The following DHX9 variants were observed in gnomAD, a reference collection of about 807,000 sequenced individuals.
The protein encoded by DHX9 is DExH-box helicase 9.
A neutral mutation model predicts 148.7 loss-of-function variants in DHX9; 27 were observed. That is an observed-to-expected ratio of 0.18 (90% CI 0.13 to 0.25). The LOEUF (loss-of-function observed/expected upper bound fraction) is 0.25, where lower values mean the gene tolerates loss of function less well. DHX9 is among the 10% of genes least tolerant of loss of function. The pLI, the probability that DHX9 is intolerant of heterozygous loss-of-function variation, is 1.00. For synonymous variants in DHX9, 529 were observed against 516.6 expected (o/e 1.02, Z -0.33); for missense variants, 796 against 1,559.6 (o/e 0.51, Z 8.25).
chr1:182,839,995 A>T (rs1667889496), intron 1 of DHX9: 1 of 152,418 alleles, frequency 6.6e-6, no homozygotes. Flanking sequence ...GCGAAGGAAA[A>T]GCAGAGCCTG....
intron 21 of DHX9, among the ~76,000 whole-genome samples, chr1:182,879,675 C>G (rs1387916009): frequency 6.6e-6 from 1 of 152,144 alleles, no homozygotes; most frequent in Non-Finnish European, 1.5e-5. Flanking sequence ...TACTAAAGAT[C>G]AGAACATAAC....
At chr1:182,859,930 T>C (rs1261510568) in intron 11 of DHX9, 63 bp from the exon 12 acceptor site, 3 of 1,519,812 alleles carry the variant, frequency 2.0e-6, no homozygotes, top group African/African-American at 1.4e-5. Context: ...TTTTAAAGGA[T>C]CAAGACAGTT....
At chr1:182,864,942 C>T (rs906748434) in intron 12 of DHX9, among the ~76,000 whole-genome samples, 1 of 152,112 alleles carries the variant, frequency 6.6e-6, no homozygotes, top group Admixed American at 6.6e-5. Flanking sequence ...CCACAAGGAT[C>T]GTAGACTTGA....
chr1:182,883,256 A>G lies in DHX9; in HGVS notation c.3032A>G (p.Lys1011Arg), dbSNP rs1370043366. The change falls in exon 25 of 28, where the codon AAG (lysine) becomes AGG (arginine). Residue 1011 changes from lysine to arginine, a missense_variant. Transcript: ENST00000367549. Reference sequence around the variant, plus strand: ...GTATGCTATCATAAGGAAAAGAGGAAGATTCTCACCACTGAAGGGCGTAAT... The same window carrying G: ...GTATGCTATCATAAGGAAAAGAGGAGGATTCTCACCACTGAAGGGCGTAAT... Reference protein sequence around the residue: ...PNVCYHKEKRKILTTEGRNAL... With the variant: ...PNVCYHKEKRRILTTEGRNAL... 2 of 1,614,166 alleles carry G rather than the reference A, an allele frequency of 1.2e-6. No homozygotes were observed. Among genetic ancestry groups the G allele is most frequent in the Non-Finnish European group, 1.7e-6 (2 of 1,180,008 alleles).
intron 3 of DHX9, among the ~76,000 whole-genome samples, chr1:182,844,496 G>A (rs75051280): frequency 0.014 from 2,170 of 152,168 alleles, 56 homozygotes; most frequent in African/African-American, 0.05. Context: ...GGTGTGTGCC[G>A]CTACACTAGG....
chr1:182,883,049 C>G, intron 24 of DHX9, 90 bp from the exon 25 acceptor site: 1 of 859,700 alleles, frequency 1.2e-6, no homozygotes, highest in Non-Finnish European at 1.9e-6. Context: ...GAGGAAGAGT[C>G]AGTTCTCTGA....
At chr1:182,847,183 A>G (rs2102590518) in intron 3 of DHX9, among the ~76,000 whole-genome samples, 1 of 152,268 alleles carries the variant, frequency 6.6e-6, no homozygotes, top group Admixed American at 6.5e-5. Context: ...ATCCTTGCCT[A>G]CTACTACTAA....
In DHX9 at chr1:182,886,062, T is replaced by A. The variant is rs533582877; in HGVS notation, c.3462-1021T>A. ...GTAGTAGAATTGCAATGGGGAGATG[T>A]GACTGGATTAGACAGATTTGTGGTA... On this transcript the variant is annotated intron_variant, in intron 27 of 27. Transcript: ENST00000367549. Among the ~76,000 whole-genome samples, 70 of 152,306 alleles carry A rather than the reference T, an allele frequency of 4.6e-4. 1 individual carries two copies. The South Asian group carries it at 0.014, about 32-fold the overall frequency.
chr1:182,866,551 T>A lies in DHX9; in HGVS notation c.1440T>A (p.Pro480=), dbSNP rs1648304627. 1 of 1,614,106 alleles carries A rather than the reference T, an allele frequency of 6.2e-7. No homozygotes were observed. The highest frequency in any genetic ancestry group is 1.7e-5 in the Admixed American group (1 of 60,014). The change falls in exon 13 of 28, where the codon CCT becomes CCA. Residue 480 remains proline, a synonymous_variant. Transcript: ENST00000367549. ...GCGTTCGATTTGAGTCTATACTTCCTCGTCCTCATGCCAGTATAATGTTTT... is the reference window on the plus strand; with the variant it reads ...GCGTTCGATTTGAGTCTATACTTCCACGTCCTCATGCCAGTATAATGTTTT... The part of the protein sequence containing the change: ...GYSVRFESIL[P]RPHASIMFCT...
intron 4 of DHX9, among the ~76,000 whole-genome samples, chr1:182,852,988 G>A (rs1264874334): frequency 1.0e-5 from 1 of 99,524 alleles, no homozygotes; most frequent in Admixed American, 9.4e-5. Context: ...GTGCAGTGGT[G>A]CAATCTTGGC....
Position 182,858,091 on chromosome 1 carries a change from C to T in DHX9, c.674-13C>T, listed in dbSNP as rs778231421. 1 of 1,608,530 alleles carries T rather than the reference C, an allele frequency of 6.2e-7. No homozygotes were observed. The highest frequency in any genetic ancestry group is 8.5e-7 in the Non-Finnish European group (1 of 1,178,266). On this transcript the variant is annotated splice_polypyrimidine_tract_variant and intron_variant, in intron 7 of 27. Coordinates refer to ENST00000367549, the MANE Select transcript of DHX9 (RefSeq NM_001357.5). ...ATTTCTTTCTGTCTGATAATCCTGA[C>T]CTTACATTATAGGGATTTTTGCACG...
At chr1:182,853,187 A>G (rs1668187148) in intron 4 of DHX9, 119 bp from the exon 5 acceptor site, 1 of 690,732 alleles carries the variant, frequency 1.4e-6, no homozygotes, top group African/African-American at 1.8e-5. Flanking sequence ...AGCGTCCGGA[A>G]GTGCTGGGAT....
intron 27 of DHX9, among the ~76,000 whole-genome samples, chr1:182,885,436 T>C (rs573496242): frequency 1.3e-5 from 2 of 152,330 alleles, no homozygotes; most frequent in South Asian, 4.1e-4. Context: ...TTGCTTAATA[T>C]TTGTGATGAA....
intron 3 of DHX9, among the ~76,000 whole-genome samples, chr1:182,847,366 TTTTTGTTTTG>T (rs201029206): frequency 3.3e-5 from 5 of 152,210 alleles, no homozygotes; most frequent in Non-Finnish European, 7.3e-5. Flanking sequence ...TGATTTGGTT[TTTTTGTTTTG>T]TTTTGTTTTG....
chr1:182,875,255 T>C (rs1648707450), intron 16 of DHX9: 2 of 459,016 alleles, frequency 4.4e-6, no homozygotes, highest in Non-Finnish European at 8.7e-6. Context: ...AAGGTTTTGC[T>C]ACTCAAAGTT....
rs1421007865 is a variant in DHX9 at position 182,874,758 on chromosome 1, T to C, written c.1715-96T>C. On this transcript the variant is annotated intron_variant, in intron 15 of 27. Coordinates refer to ENST00000367549, the MANE Select transcript of DHX9 (RefSeq NM_001357.5). ...TGTGAAGAATCAGACTAGAGGGGTATTAAAGTAGTTTTGAACTATGAATTA... is the reference window on the plus strand; with the variant it reads ...TGTGAAGAATCAGACTAGAGGGGTACTAAAGTAGTTTTGAACTATGAATTA... 5.0e-5 allele frequency: 47 copies of C among 937,756 alleles called. No individual in the cohort carries two copies. In the South Asian group the frequency reaches 5.9e-4, roughly 12 times the overall value. The allele number at this position is 937,756 out of a possible 1,614,324, so 58.1% of individuals were successfully genotyped here.
chr1:182,856,512 G>A lies in DHX9; in HGVS notation c.627-20G>A. Reference sequence around the variant, plus strand: ...TTCTAACAGTGAAATTTCTAACCTTGCTTGTATATGTTGTTACAGGAGCTT... The same window carrying A: ...TTCTAACAGTGAAATTTCTAACCTTACTTGTATATGTTGTTACAGGAGCTT... On this transcript the variant is annotated intron_variant, in intron 6 of 27. Transcript: ENST00000367549. 1 of 1,611,986 alleles carries A rather than the reference G, an allele frequency of 6.2e-7. No homozygotes were observed. Among genetic ancestry groups the A allele is most frequent in the Admixed American group, 1.7e-5 (1 of 59,864 alleles).
At chr1:182,858,020 C>G (rs548905366) in intron 7 of DHX9, 84 bp from the exon 8 acceptor site, 1 of 1,416,764 alleles carries the variant, frequency 7.1e-7, no homozygotes, top group Admixed American at 2.2e-5. Flanking sequence ...TTCTTGTGTA[C>G]GTAAGCCCAT....
At chr1:182,845,321 T>C (rs1668008666) in intron 3 of DHX9, among the ~76,000 whole-genome samples, 1 of 152,204 alleles carries the variant, frequency 6.6e-6, no homozygotes, top group Non-Finnish European at 1.5e-5. Flanking sequence ...CAAATTCTCT[T>C]ATTCTCTTTC....
Sources: allele counts gnomAD v4.1 joint callset (sites outside exome capture counted in the v4.1 genomes callset), GRCh38; gene constraint gnomAD v4.1.1; transcripts MANE v1.5; gene names NCBI Gene and HGNC (gene_info 2026-07-23, HGNC 2026-07-21).